The following HS3ST4 variants were observed in gnomAD, a reference collection of about 807,000 sequenced individuals.
HS3ST4 encodes the protein heparan sulfate-glucosamine 3-sulfotransferase 4.
A neutral mutation model predicts 29.2 loss-of-function variants in HS3ST4; 17 were observed. The ratio of observed to expected loss-of-function variants is 0.58; its 90% CI spans 0.40 to 0.87. HS3ST4 has a LOEUF of 0.87. Ranked by LOEUF, HS3ST4 falls within the 40% of genes least tolerant of loss-of-function variation. The probability of loss-of-function intolerance (pLI) is 0.00; values close to 1 mark genes in which losing one functional copy is unlikely to be tolerated. For missense variants in HS3ST4, 627 were observed against 634.5 expected (o/e 0.99, Z 0.13); for synonymous variants, 314 against 285.7 (o/e 1.10, Z -1.00).
At chr16:25,835,474 C>T (rs543756877) in intron 1 of HS3ST4, among the ~76,000 whole-genome samples, 1 of 140,950 alleles carries the variant, frequency 7.1e-6, no homozygotes, top group East Asian at 2.1e-4. Flanking sequence ...TATTATTATT[C>T]CTCAGTTGAC....
intron 1 of HS3ST4, among the ~76,000 whole-genome samples, chr16:26,063,458 G>A (rs939302158): frequency 6.6e-6 from 1 of 151,254 alleles, no homozygotes; most frequent in Non-Finnish European, 1.5e-5. Context: ...AGGCTGAGGT[G>A]TTTGAAGCCA....
intron 1 of HS3ST4, among the ~76,000 whole-genome samples, chr16:25,995,629 A>G (rs1431628644): frequency 6.6e-6 from 1 of 152,154 alleles, no homozygotes; most frequent in African/African-American, 2.4e-5. Flanking sequence ...AATGCACAAG[A>G]ACTGTGAATG....
At chr16:25,928,408 C>T (rs555212813) in intron 1 of HS3ST4, among the ~76,000 whole-genome samples, 2 of 151,982 alleles carry the variant, frequency 1.3e-5, no homozygotes, top group Non-Finnish European at 2.9e-5. Flanking sequence ...CCAAAGGGGT[C>T]GTATTTTCAG....
intron 1 of HS3ST4, among the ~76,000 whole-genome samples, chr16:25,717,614 G>T (rs968357097): frequency 3.3e-5 from 5 of 150,722 alleles, no homozygotes; most frequent in African/African-American, 9.7e-5. Flanking sequence ...AAGGTGCATC[G>T]CATGCTGGAA....
chr16:25,941,347 C>G (rs771534743), intron 1 of HS3ST4, among the ~76,000 whole-genome samples: 1 of 151,728 alleles, frequency 6.6e-6, no homozygotes, highest in South Asian at 2.1e-4. Context: ...TTAGTAGAGA[C>G]GAGGTTTCTT....
intron 1 of HS3ST4, among the ~76,000 whole-genome samples, chr16:25,694,075 C>T (rs937326781): frequency 1.3e-5 from 2 of 152,236 alleles, no homozygotes; most frequent in Admixed American, 6.5e-5. Flanking sequence ...TTCTCTCTTT[C>T]CTCCTGTTTT....
intron 1 of HS3ST4, among the ~76,000 whole-genome samples, chr16:25,704,766 C>A (rs1400383215): frequency 1.3e-5 from 2 of 151,746 alleles, no homozygotes; most frequent in Admixed American, 1.3e-4. Flanking sequence ...GTAATCCCAG[C>A]TACTGGGGAG....
rs146975316 is a variant in HS3ST4, at chr16:25,726,421, C to A, written c.734+33270C>A. Among the ~76,000 whole-genome samples the A allele has an allele frequency of 6.2e-3, 950 of 152,230 alleles. 4 individuals carry two copies. Among genetic ancestry groups the A allele is most frequent in the Middle Eastern group, 0.017 (5 of 294 alleles). ...ATGTTTTTCTAGTCCTAAAACATTG[C>A]AGTGAACAAATGGGTATGAAACACA... On this transcript the variant is annotated intron_variant, in intron 1 of 1. Coordinates refer to ENST00000331351, the MANE Select transcript of HS3ST4 (RefSeq NM_006040.3).
intron 1 of HS3ST4, among the ~76,000 whole-genome samples, chr16:25,741,461 G>A (rs920470845): frequency 1.3e-5 from 2 of 151,176 alleles, no homozygotes; most frequent in African/African-American, 4.9e-5. Context: ...GTACTTTGAG[G>A]GTCCTGCTTC....
chr16:25,951,558 C>T (rs750839131), intron 1 of HS3ST4, among the ~76,000 whole-genome samples: 1 of 152,158 alleles, frequency 6.6e-6, no homozygotes, highest in South Asian at 2.1e-4. Context: ...AATGTCCAAC[C>T]TACTTAGCAA....
chr16:25,769,972 A>G (rs1472670593), intron 1 of HS3ST4, among the ~76,000 whole-genome samples: 1 of 152,148 alleles, frequency 6.6e-6, no homozygotes, highest in Admixed American at 6.5e-5. Flanking sequence ...TTCTGTCACC[A>G]TATTTTTGGG....
chr16:25,807,738 T>C (rs1038477453), intron 1 of HS3ST4, among the ~76,000 whole-genome samples: 4 of 152,220 alleles, frequency 2.6e-5, no homozygotes, highest in African/African-American at 7.2e-5. Context: ...ATTTCCAGAA[T>C]GGTGGTACCA....
At chr16:25,983,183 G>T (rs1350381000) in intron 1 of HS3ST4, among the ~76,000 whole-genome samples, 1 of 152,132 alleles carries the variant, frequency 6.6e-6, no homozygotes, top group Non-Finnish European at 1.5e-5. Flanking sequence ...CACTAGAGAA[G>T]CCCAGCCTTT....
At chr16:25,844,357 G>A (rs901950816) in intron 1 of HS3ST4, among the ~76,000 whole-genome samples, 4 of 152,166 alleles carry the variant, frequency 2.6e-5, no homozygotes, top group Non-Finnish European at 4.4e-5. Flanking sequence ...TCTTTACTGA[G>A]TGCTAGTTTA....
intron 1 of HS3ST4, among the ~76,000 whole-genome samples, chr16:25,902,793 A>C (rs1300332626): frequency 2.8e-5 from 4 of 141,912 alleles, no homozygotes; most frequent in African/African-American, 6.2e-5. Context: ...AAAACAGAAC[A>C]AAAAAAACAA....
rs74014825 is a variant in HS3ST4, at chr16:25,717,381, A to G, written c.734+24230A>G. ...CTGAAGGAACAATACCCAGTACTGTAAGATAATATAATAAAGGCTGCAATT... is the reference window on the plus strand; with the variant it reads ...CTGAAGGAACAATACCCAGTACTGTGAGATAATATAATAAAGGCTGCAATT... On this transcript the variant is annotated intron_variant, in intron 1 of 1. Coordinates refer to ENST00000331351, the MANE Select transcript of HS3ST4 (RefSeq NM_006040.3). Among the ~76,000 whole-genome samples, 505 of 152,260 alleles carry G rather than the reference A, an allele frequency of 3.3e-3. 3 individuals are homozygous for G. The highest frequency in any genetic ancestry group is 0.011 in the African/African-American group (469 of 41,556).
At chr16:25,730,074 A>T (rs991036180) in intron 1 of HS3ST4, among the ~76,000 whole-genome samples, 1 of 152,234 alleles carries the variant, frequency 6.6e-6, no homozygotes, top group Admixed American at 6.5e-5. Flanking sequence ...GTTTTATCAA[A>T]GAAGGAATAG....
intron 1 of HS3ST4, among the ~76,000 whole-genome samples, chr16:25,909,329 C>T (rs751347858): frequency 5.3e-5 from 8 of 152,176 alleles, no homozygotes; most frequent in African/African-American, 1.9e-4. Context: ...GCTGGGACTA[C>T]AGGCATGCAC....
At chr16:25,761,649 TTTCCCC>T (rs1181694301) in intron 1 of HS3ST4, among the ~76,000 whole-genome samples, 1 of 152,154 alleles carries the variant, frequency 6.6e-6, no homozygotes, top group Non-Finnish European at 1.5e-5. Context: ...AGTTCTCCAA[TTTCCCC>T]TTCTAAACAA....
Sources: gnomAD v4.1 joint callset for allele counts (sites outside exome capture counted in the v4.1 genomes callset) on GRCh38, gnomAD v4.1.1 for gene constraint, MANE v1.5 for transcripts, NCBI Gene and HGNC (gene_info 2026-07-23, HGNC 2026-07-21) for gene names.